The following CROT variants were observed in gnomAD, a reference collection of about 807,000 sequenced individuals.
CROT encodes carnitine O-octanoyltransferase, also known as peroxisomal carnitine O-octanoyltransferase.
In CROT, 84 loss-of-function variants were observed where a neutral mutation model predicts 89.2. That is an observed-to-expected ratio of 0.94 (90% CI 0.79 to 1.13). The LOEUF (loss-of-function observed/expected upper bound fraction) is 1.13, where lower values mean the gene tolerates loss of function less well. CROT is among the 50% of genes most tolerant of loss of function. The pLI is 0.00. For missense variants in CROT, 711 were observed against 727.8 expected, an observed-to-expected ratio of 0.98 and a Z score of 0.27; for synonymous variants, 212 against 239.5, an observed-to-expected ratio of 0.89 and a Z score of 1.06.
At chr7:87,354,632 T>C (rs1031083615) in intron 3 of CROT, among the ~76,000 whole-genome samples, 1 of 152,036 alleles carries the variant, frequency 6.6e-6, no homozygotes, top group African/African-American at 2.4e-5. Context: ...AAAAAAAAGT[T>C]GATGAGAAAG....
At chr7:87,390,011 A>G (rs1325542710) in intron 13 of CROT, among the ~76,000 whole-genome samples, 1 of 152,018 alleles carries the variant, frequency 6.6e-6, no homozygotes, top group African/African-American at 2.4e-5. Context: ...TCTTTTTCCT[A>G]CCTTTCTCTT....
At chr7:87,380,670 A>G (rs1562936054) in intron 10 of CROT, among the ~76,000 whole-genome samples, 1 of 152,322 alleles carries the variant, frequency 6.6e-6, no homozygotes, top group East Asian at 1.9e-4. Flanking sequence ...TATATTTTCT[A>G]CCTTCTTTGA....
intron 6 of CROT, among the ~76,000 whole-genome samples, chr7:87,365,692 C>T (rs1470400599): frequency 1.3e-5 from 2 of 150,182 alleles, no homozygotes; most frequent in East Asian, 2.0e-4. Flanking sequence ...ACTGCAACCT[C>T]GACCTCCTGG....
In CROT at chr7:87,382,447, C is replaced by A; in HGVS notation, c.1205C>A (p.Thr402Lys). The change falls in exon 13 of 18, where the codon ACA (threonine) becomes AAA (lysine). Residue 402 changes from threonine to lysine, a missense_variant. Physicochemically the swap from Thr to Lys is moderately conservative, Grantham distance 78. Transcript: ENST00000331536. ...CTACAGATTGCGGCTTATGCCTTTA[C>A]ATCTTTTGGCAAAAAGCTAACCAAG... The part of the protein sequence containing the change: ...SDLQIAAYAF[T>K]SFGKKLTKNK... 6 of 1,613,774 alleles carry A rather than the reference C, an allele frequency of 3.7e-6. No individual in the cohort carries two copies. Among genetic ancestry groups the A allele is most frequent in the Non-Finnish European group, 4.2e-6 (5 of 1,179,822 alleles).
At position 87,393,056 on chromosome 7, in the gene CROT, C is replaced by CA. The variant is rs1341100824; in HGVS notation, c.1708dup (p.Arg570LysfsTer3). ...ATGGTTATGGATTTTTCTACCATAT[C>CA]AGAGATGACAGGTGAGGCTTCTCTT... On this transcript the variant is annotated frameshift_variant, in exon 17 of 18. Transcript: ENST00000331536. LOFTEE classifies it high-confidence loss of function. 1.2e-6 allele frequency: 2 copies of CA among 1,613,038 alleles called. No homozygotes were observed. Among genetic ancestry groups the CA allele is most frequent in the Non-Finnish European group, 1.7e-6 (2 of 1,179,452 alleles).
chr7:87,346,352 T>C lies in CROT; in HGVS notation c.-100T>C, dbSNP rs1189433818. On this transcript the variant is annotated 5_prime_UTR_variant, in exon 2 of 18. Transcript: ENST00000331536. ...TTTCTTCCCACAGTCACCGACTTAGTCCAGTTCCCTGTGATCTCAAAACAA... is the reference window on the plus strand; with the variant it reads ...TTTCTTCCCACAGTCACCGACTTAGCCCAGTTCCCTGTGATCTCAAAACAA... 1 of 152,246 alleles carries C rather than the reference T, an allele frequency of 6.6e-6. No homozygotes were observed. Among genetic ancestry groups the C allele is most frequent in the Non-Finnish European group, 1.5e-5 (1 of 68,056 alleles). The allele number at this position is 152,246 out of a possible 1,614,324, so 9.4% of individuals were successfully genotyped here. A position where few individuals can be genotyped will look rare whatever the true frequency, so the allele number is the denominator to read the frequency against.
chr7:87,348,573 T>C (rs1398508436), intron 2 of CROT, among the ~76,000 whole-genome samples: 1 of 152,228 alleles, frequency 6.6e-6, no homozygotes, highest in Non-Finnish European at 1.5e-5. Context: ...TACTGCAGGT[T>C]CCCTTACCTT....
At chr7:87,375,556 G>A (rs891989116) in intron 7 of CROT, 76 bp from the exon 8 acceptor site, 4 of 996,182 alleles carry the variant, frequency 4.0e-6, no homozygotes, top group Non-Finnish European at 6.3e-6. Context: ...ATTGATCAAT[G>A]TTATGACCTT....
chr7:87,381,482 A>G (rs1807001280), intron 10 of CROT, among the ~76,000 whole-genome samples: 1 of 152,178 alleles, frequency 6.6e-6, no homozygotes. Flanking sequence ...TCCTTACCTA[A>G]AGAAGTTCAT....
rs1807650208 is a variant in CROT, at chr7:87,398,907, C to T, written c.*263C>T. The stretch of plus-strand genomic sequence containing the variant: ...AATATAGAACTATGCAGTATTTAAG[C>T]CTCAACAATCCAAATCTACAAACTT... On this transcript the variant is annotated 3_prime_UTR_variant, in exon 18 of 18. Transcript: ENST00000331536. 1.4e-5 allele frequency: 5 copies of T among 348,440 alleles called. No individual in the cohort carries two copies. In the South Asian group the frequency reaches 2.2e-4, roughly 16 times the overall value. 21.6% of individuals were successfully genotyped at this position (348,440 alleles called of 1,614,324 possible).
rs557853080 is a variant in CROT, at chr7:87,375,638, G to A, written c.663G>A (p.Leu221=). The change falls in exon 8 of 18, where the codon CTG becomes CTA. Residue 221 remains leucine (L), a synonymous_variant. Coordinates refer to ENST00000331536, the MANE Select transcript of CROT (RefSeq NM_021151.4). The part of the protein sequence containing the change: ...LVTPPELLRQ[L]TYIHKKCHSE... ...TCTTTTCATCTTCCATAAGACAACT[G>A]ACATATATCCACAAGAAGTGCCATA... The A allele has an allele frequency of 1.2e-6, 2 of 1,611,844 alleles. No homozygotes were observed. Among genetic ancestry groups the A allele is most frequent in the East Asian group, 4.5e-5 (2 of 44,842 alleles).
chr7:87,356,108 G>A (rs1377022089), intron 3 of CROT, among the ~76,000 whole-genome samples: 2 of 152,182 alleles, frequency 1.3e-5, no homozygotes, highest in Non-Finnish European at 2.9e-5. Context: ...AGCCTCCTGA[G>A]TAGCTGAGAC....
chr7:87,386,369 A>G (rs984616461), intron 13 of CROT, among the ~76,000 whole-genome samples: 1 of 151,936 alleles, frequency 6.6e-6, no homozygotes, highest in African/African-American at 2.4e-5. Flanking sequence ...TGGGTTTTCT[A>G]TGTCTTTATG....
intron 3 of CROT, among the ~76,000 whole-genome samples, chr7:87,356,297 T>A (rs1025159396): frequency 3.9e-5 from 6 of 152,212 alleles, no homozygotes; most frequent in African/African-American, 7.2e-5. Flanking sequence ...GACCAAAATT[T>A]TGGGTAAAGT....
At chr7:87,365,482 T>C (rs1476507969) in intron 6 of CROT, among the ~76,000 whole-genome samples, 1 of 142,534 alleles carries the variant, frequency 7.0e-6, no homozygotes, top group Admixed American at 7.0e-5. Context: ...AGAGTGAGAC[T>C]CCATCTCAAA....
intron 3 of CROT, among the ~76,000 whole-genome samples, chr7:87,349,396 A>C (rs1805801035): frequency 6.6e-6 from 1 of 152,088 alleles, no homozygotes. Context: ...CATCCTCAGA[A>C]AGCAAGCAGA....
Position 87,346,410 on chromosome 7 carries a change from G to A in CROT, c.-42G>A, listed in dbSNP as rs977427984. On this transcript the variant is annotated 5_prime_UTR_variant, in exon 2 of 18. Coordinates refer to ENST00000331536, the MANE Select transcript of CROT (RefSeq NM_021151.4). Reference sequence around the variant, plus strand: ...AGCAGGCTCCTGGCAGTCTCAAGCAGTTCATCTTCTTGGTGTACTGGTATG... The same window carrying A: ...AGCAGGCTCCTGGCAGTCTCAAGCAATTCATCTTCTTGGTGTACTGGTATG... The A allele has an allele frequency of 1.3e-5, 2 of 152,312 alleles. No homozygotes were observed. The highest frequency in any genetic ancestry group is 1.3e-4 in the Admixed American group (2 of 15,298). 9.4% of individuals were successfully genotyped at this position (152,312 alleles called of 1,614,324 possible).
At chr7:87,375,763 A>C (rs1456406831) in intron 8 of CROT, 38 bp downstream of exon 8, 2 of 1,612,360 alleles carry the variant, frequency 1.2e-6, no homozygotes, top group South Asian at 2.2e-5. Flanking sequence ...GCTTTTCTCT[A>C]ACAAACTCTT....
chr7:87,354,657 T>G (rs980058610), intron 3 of CROT, among the ~76,000 whole-genome samples: 2 of 152,154 alleles, frequency 1.3e-5, no homozygotes, highest in Admixed American at 6.5e-5. Flanking sequence ...AGGAAAGAAT[T>G]ATCTCAGACC....
Sources: allele counts gnomAD v4.1 joint callset (sites outside exome capture counted in the v4.1 genomes callset), GRCh38; gene constraint gnomAD v4.1.1; transcripts MANE v1.5; gene names NCBI Gene and HGNC (gene_info 2026-07-23, HGNC 2026-07-21).